Variants in CSMD1 observed in about 807,000 individuals in gnomAD.
CSMD1 encodes CUB and sushi domain-containing protein 1.
CSMD1 carries 213 observed loss-of-function variants against 417.5 expected under a neutral mutation model. The ratio of observed to expected loss-of-function variants is 0.51; its 90% CI spans 0.46 to 0.57. CSMD1 has a LOEUF of 0.57. Among genes scored for constraint, CSMD1 ranks in the 20% least tolerant of loss-of-function variants. The pLI, the probability that CSMD1 is intolerant of heterozygous loss-of-function variation, is 0.00. For synonymous variants in CSMD1, 2,862 were observed against 1,736.8 expected, an observed-to-expected ratio of 1.65 and a Z score of -16.11; for missense variants, 6,923 against 4,529.7, an observed-to-expected ratio of 1.53 and a Z score of -15.17.
chr8:4,255,981 A>G (rs1266311462), intron 3 of CSMD1, among the ~76,000 whole-genome samples: 1 of 152,186 alleles, frequency 6.6e-6, no homozygotes, highest in Non-Finnish European at 1.5e-5. Flanking sequence ...TGAAAATACG[A>G]CTACGTGCAG....
chr8:3,986,089 C>T (rs57907608), intron 5 of CSMD1, among the ~76,000 whole-genome samples: 39,867 of 151,806 alleles, frequency 0.26, 5,285 homozygotes, highest in East Asian at 0.38. Flanking sequence ...TCAAGGATCT[C>T]GTTCGTATCT....
At chr8:4,785,177 T>G (rs1377801845) in intron 1 of CSMD1, among the ~76,000 whole-genome samples, 3 of 152,190 alleles carry the variant, frequency 2.0e-5, no homozygotes, top group African/African-American at 7.2e-5. Context: ...TGAATATGAC[T>G]CCTAGCCTGA....
chr8:4,324,872 G>A (rs1010041713), intron 3 of CSMD1, among the ~76,000 whole-genome samples: 1 of 152,150 alleles, frequency 6.6e-6, no homozygotes, highest in African/African-American at 2.4e-5. Context: ...CACACCTCAG[G>A]GTCCTGGATC....
At chr8:3,493,823 C>T (rs13251599) in intron 10 of CSMD1, 97 bp from the exon 11 acceptor site, 48,800 of 929,462 alleles carry the variant, frequency 0.053, 1,326 homozygotes, top group Middle Eastern at 0.07. Flanking sequence ...TTAAATTTTG[C>T]TCCTTAATGC....
At chr8:3,499,645 C>G (rs758996953) in intron 10 of CSMD1, among the ~76,000 whole-genome samples, 1 of 150,616 alleles carries the variant, frequency 6.6e-6, no homozygotes, top group African/African-American at 2.5e-5. Context: ...TTGGCTCCCC[C>G]TGTCTTGAGA....
At chr8:4,472,950 G>C (rs746450919) in intron 2 of CSMD1, among the ~76,000 whole-genome samples, 3 of 151,736 alleles carry the variant, frequency 2.0e-5, no homozygotes, top group Admixed American at 6.6e-5. Flanking sequence ...TAAATCTACA[G>C]TAACATTACC....
At chr8:4,169,691 C>T (rs1179062378) in intron 3 of CSMD1, among the ~76,000 whole-genome samples, 2 of 152,144 alleles carry the variant, frequency 1.3e-5, no homozygotes, top group South Asian at 2.1e-4. Context: ...GGATGGCTCC[C>T]TGCCCTGTGC....
At chr8:4,179,545 A>G (rs915931101) in intron 3 of CSMD1, among the ~76,000 whole-genome samples, 13 of 150,576 alleles carry the variant, frequency 8.6e-5, no homozygotes, top group Admixed American at 3.3e-4. Context: ...AAAACACCAA[A>G]AGCAATGACA....
intron 2 of CSMD1, among the ~76,000 whole-genome samples, chr8:4,456,182 C>A (rs1428659663): frequency 6.6e-6 from 1 of 151,238 alleles, no homozygotes; most frequent in East Asian, 1.9e-4. Context: ...AAAAGCATGA[C>A]ACAAACTTTA....
At chr8:2,996,458 A>G (rs1367046444) in intron 54 of CSMD1, among the ~76,000 whole-genome samples, 1 of 152,224 alleles carries the variant, frequency 6.6e-6, no homozygotes, top group Non-Finnish European at 1.5e-5. Flanking sequence ...TAATGCACGC[A>G]CACACGATTG....
chr8:2,974,788 C>T (rs559662668), intron 55 of CSMD1, among the ~76,000 whole-genome samples, 164 bp from the exon 56 acceptor site: 2 of 152,296 alleles, frequency 1.3e-5, no homozygotes, highest in South Asian at 4.1e-4. Context: ...TTTCAGATGA[C>T]ACTTCCTCCC....
rs139088227 is a variant in CSMD1, at chr8:4,264,514, G to A, written c.415+155439C>T. On this transcript the variant is annotated intron_variant, in intron 3 of 69. Transcript: ENST00000635120. Reference sequence around the variant, plus strand: ...TTACAAGCTAATGTGTACCCCCCCTGAAGCTGAGAAGCTCCGTTACTTAAA... The same window carrying A: ...TTACAAGCTAATGTGTACCCCCCCTAAAGCTGAGAAGCTCCGTTACTTAAA... 3.9e-3 allele frequency among the ~76,000 whole-genome samples: 600 copies of A among 152,166 alleles called. 1 individual carries two copies. Among genetic ancestry groups the A allele is most frequent in the African/African-American group, 0.014 (574 of 41,508 alleles).
chr8:3,835,599 A>G (rs1485530268), intron 5 of CSMD1, among the ~76,000 whole-genome samples: 1 of 152,058 alleles, frequency 6.6e-6, no homozygotes, highest in African/African-American at 2.4e-5. Flanking sequence ...ATTAGGAGAT[A>G]TGCCTAATGC....
chr8:4,842,990 A>G (rs1004509123), intron 1 of CSMD1, among the ~76,000 whole-genome samples: 1 of 152,228 alleles, frequency 6.6e-6, no homozygotes, highest in African/African-American at 2.4e-5. Context: ...AGCTTGTTGA[A>G]TAGTCATCTA....
chr8:4,361,096 C>T (rs957368471), intron 3 of CSMD1, among the ~76,000 whole-genome samples: 1 of 152,142 alleles, frequency 6.6e-6, no homozygotes, highest in Non-Finnish European at 1.5e-5. Context: ...TCTCATGCTA[C>T]ACACTGTGTG....
At chr8:3,793,615 A>T (rs1448325401) in intron 5 of CSMD1, among the ~76,000 whole-genome samples, 1 of 151,538 alleles carries the variant, frequency 6.6e-6, no homozygotes, top group Non-Finnish European at 1.5e-5. Flanking sequence ...AACCTTCCCA[A>T]ATGTCCCCCA....
At chr8:3,525,918 C>A (rs555971801) in intron 10 of CSMD1, among the ~76,000 whole-genome samples, 3 of 152,160 alleles carry the variant, frequency 2.0e-5, no homozygotes, top group Non-Finnish European at 2.9e-5. Context: ...CTACCACACA[C>A]AAATCGTATT....
chr8:4,234,303 C>A (rs899353592), intron 3 of CSMD1, among the ~76,000 whole-genome samples: 2 of 152,166 alleles, frequency 1.3e-5, no homozygotes, highest in Admixed American at 1.3e-4. Flanking sequence ...ATCCATAGAG[C>A]TGGCGATTGC....
At chr8:3,560,057 A>AT (rs1799403861) in intron 10 of CSMD1, among the ~76,000 whole-genome samples, 1 of 151,882 alleles carries the variant, frequency 6.6e-6, no homozygotes, top group African/African-American at 2.4e-5. Flanking sequence ...GAGACAATTG[A>AT]TTTTTTTCTG....
Sources: gnomAD v4.1 joint callset for allele counts (sites outside exome capture counted in the v4.1 genomes callset) on GRCh38, gnomAD v4.1.1 for gene constraint, MANE v1.5 for transcripts, NCBI Gene and HGNC (gene_info 2026-07-23, HGNC 2026-07-21) for gene names.